Variants in HSD17B14 observed in about 807,000 individuals in gnomAD.
HSD17B14 encodes hydroxysteroid 17-beta dehydrogenase 14.
Under a neutral mutation model 32.2 loss-of-function variants are expected in HSD17B14, and 32 were observed. The ratio of observed to expected loss-of-function variants is 0.99; its 90% confidence interval spans 0.75 to 1.33. The LOEUF (loss-of-function observed/expected upper bound fraction) is 1.33. Ranked by LOEUF, HSD17B14 falls within the 40% of genes most tolerant of loss-of-function variation. The pLI, the probability that HSD17B14 is intolerant of heterozygous loss-of-function variation, is 0.00. For synonymous variants in HSD17B14, 140 were observed against 155.4 expected (o/e 0.90, Z 0.74); for missense variants, 370 against 366.5 (o/e 1.01, Z -0.08).
At chr19:48,831,878 G>C in intron 4 of HSD17B14, 119 bp from the exon 5 acceptor site, 2 of 637,438 alleles carry the variant, frequency 3.1e-6, no homozygotes, top group Non-Finnish European at 5.7e-6. Flanking sequence ...AGGAGTTCAA[G>C]ACCAACCTGG....
chr19:48,821,009 ATAGAT>A (rs896336271), intron 5 of HSD17B14, among the ~76,000 whole-genome samples: 2 of 128,516 alleles, frequency 1.6e-5, no homozygotes, highest in African/African-American at 6.1e-5. Context: ...GCCAGGATGG[ATAGAT>A]TTTTTTTTTT....
At chr19:48,833,958 C>G (rs1599845054) in intron 3 of HSD17B14, among the ~76,000 whole-genome samples, 1 of 152,290 alleles carries the variant, frequency 6.6e-6, no homozygotes, top group Non-Finnish European at 1.5e-5. Context: ...CCACTGCACT[C>G]CAGCCTCAGT....
intron 5 of HSD17B14, among the ~76,000 whole-genome samples, chr19:48,823,643 C>CT (rs200691592): frequency 0.34 from 48,549 of 143,538 alleles, 8,344 homozygotes; most frequent in African/African-American, 0.4. Flanking sequence ...TTTTTTCTTT[C>CT]TTTTTTTTTT....
Position 48,814,205 on chromosome 19 carries a change from GAAGAA to G in HSD17B14, c.475-480_475-476del, listed in dbSNP as rs528225019. ...GTGAGACCCTATCTAAAAAAAAAAA[GAAGAA>G]AAGAAAAGAAAAGAAAAAAAGAAAG... On this transcript the variant is annotated intron_variant, in intron 6 of 8. Transcript: ENST00000263278. 6.6e-3 allele frequency among the ~76,000 whole-genome samples: 966 copies of G among 146,714 alleles called. 6 individuals are homozygous for G. Among genetic ancestry groups the G allele is most frequent in the Admixed American group, 9.6e-3 (140 of 14,634 alleles).
chr19:48,833,852 T>C (rs1326957115), intron 3 of HSD17B14, among the ~76,000 whole-genome samples: 1 of 147,446 alleles, frequency 6.8e-6, no homozygotes, highest in Non-Finnish European at 1.5e-5. Context: ...TAGCCGGGCA[T>C]GGTGGCGCAC....
chr19:48,828,843 C>T (rs552988332), intron 5 of HSD17B14, among the ~76,000 whole-genome samples: 2 of 151,720 alleles, frequency 1.3e-5, no homozygotes, highest in Admixed American at 6.6e-5. Flanking sequence ...GGGTGGATCA[C>T]GGGGTCAGGA....
chr19:48,817,756 T>C (rs1358513163), intron 5 of HSD17B14, among the ~76,000 whole-genome samples: 1 of 152,188 alleles, frequency 6.6e-6, no homozygotes, highest in Non-Finnish European at 1.5e-5. Context: ...AATTAATGAA[T>C]GAATGGAGGA....
At chr19:48,829,635 CTTTTT>C (rs34096239) in intron 5 of HSD17B14, among the ~76,000 whole-genome samples, 2 of 76,086 alleles carry the variant, frequency 2.6e-5, no homozygotes, top group South Asian at 4.3e-4. Flanking sequence ...CCAGGCCTGG[CTTTTT>C]TTTTTTTTTT....
chr19:48,835,293 G>A (rs1483198379), intron 2 of HSD17B14, among the ~76,000 whole-genome samples: 5 of 87,882 alleles, frequency 5.7e-5, no homozygotes, highest in African/African-American at 2.1e-4. Flanking sequence ...TGAGGGAGGA[G>A]GGGATGGGGG....
At chr19:48,833,342 A>T (rs1255653707) in intron 3 of HSD17B14, among the ~76,000 whole-genome samples, 1 of 152,074 alleles carries the variant, frequency 6.6e-6, no homozygotes, top group African/African-American at 2.4e-5. Flanking sequence ...GGCAGATAAC[A>T]GAGAGATACT....
chr19:48,823,185 T>C (rs898018647), intron 5 of HSD17B14, among the ~76,000 whole-genome samples: 2 of 150,166 alleles, frequency 1.3e-5, no homozygotes, highest in African/African-American at 4.8e-5. Flanking sequence ...GGTGATATAA[T>C]GGTATTTTTG....
chr19:48,830,054 C>T (rs1199035856), intron 5 of HSD17B14, among the ~76,000 whole-genome samples: 8 of 152,144 alleles, frequency 5.3e-5, no homozygotes, highest in Admixed American at 2.6e-4. Flanking sequence ...CTGCAACCTC[C>T]GCCTCCTGGG....
intron 5 of HSD17B14, among the ~76,000 whole-genome samples, chr19:48,822,528 C>T (rs62640410): frequency 0.77 from 114,509 of 148,370 alleles, 44,284 homozygotes; most frequent in African/African-American, 0.88. Flanking sequence ...ATGGTGATGA[C>T]TGTGGTAATG....
At position 48,822,474 on chromosome 19, in the gene HSD17B14, C is replaced by T. The variant is rs577997400; in HGVS notation, c.370-7333G>A. Among the ~76,000 whole-genome samples the T allele has an allele frequency of 1.5e-4, 15 of 101,092 alleles. No homozygotes were observed. In the South Asian group the frequency reaches 2.0e-3, roughly 13 times the overall value. 66.3% of individuals were successfully genotyped at this position (101,092 alleles called of 152,430 possible). ...GTGATGATGGTGAGGATGGTGATGA[C>T]GGTGGTAATGGTGATGGTGATGATT... On this transcript the variant is annotated intron_variant, in intron 5 of 8. Coordinates refer to ENST00000263278, the MANE Select transcript of HSD17B14 (RefSeq NM_016246.3).
intron 5 of HSD17B14, among the ~76,000 whole-genome samples, chr19:48,816,826 T>TCTTTC (rs1352133457): frequency 1.5e-4 from 23 of 148,878 alleles, no homozygotes; most frequent in African/African-American, 5.6e-4. Context: ...TTTCTTTCTT[T>TCTTTC]TCTTTCTCTC....
intron 2 of HSD17B14, among the ~76,000 whole-genome samples, chr19:48,835,459 C>T (rs112460551): frequency 5.7e-5 from 8 of 139,522 alleles, no homozygotes; most frequent in African/African-American, 2.1e-4. Flanking sequence ...GCCTGGACTC[C>T]TGGGTCTGAG....
chr19:48,832,079 GAAAAA>G (rs71294393), intron 4 of HSD17B14, among the ~76,000 whole-genome samples: 1 of 60,088 alleles, frequency 1.7e-5, no homozygotes, highest in Non-Finnish European at 3.0e-5. Flanking sequence ...CCCCATCTCA[GAAAAA>G]AAAAAAAAAA....
chr19:48,836,319 C>T lies in HSD17B14; in HGVS notation c.88+5G>A. 2 of 1,613,632 alleles carry T rather than the reference C, an allele frequency of 1.2e-6. No homozygotes were observed. Among genetic ancestry groups the T allele is most frequent in the Non-Finnish European group, 1.7e-6 (2 of 1,179,832 alleles). On this transcript the variant is annotated splice_donor_5th_base_variant and intron_variant, in intron 1 of 8. Transcript: ENST00000263278. ...CACAGCTCCCAGCAGTCAGACCCGG[C>T]TCACCGAAGGCGCGCACGATCCCAG...
chr19:48,828,317 C>T (rs972997626), intron 5 of HSD17B14, among the ~76,000 whole-genome samples: 4 of 152,116 alleles, frequency 2.6e-5, no homozygotes, highest in Admixed American at 2.6e-4. Context: ...TACTTGGTAT[C>T]AGGTCGTCTA....
Sources: gnomAD v4.1 joint callset for allele counts (sites outside exome capture counted in the v4.1 genomes callset) on GRCh38, gnomAD v4.1.1 for gene constraint, MANE v1.5 for transcripts, NCBI Gene and HGNC (gene_info 2026-07-23, HGNC 2026-07-21) for gene names.